The following DLG2 variants were observed in gnomAD, a reference collection of about 807,000 sequenced individuals.
DLG2 encodes the protein discs large MAGUK scaffold protein 2.
In DLG2, 45 loss-of-function variants were observed where a neutral mutation model predicts 132.5. That is an observed-to-expected ratio of 0.34 (90% CI 0.27 to 0.44). DLG2 has a LOEUF of 0.44. DLG2 is among the 20% of genes least tolerant of loss of function. DLG2 has a pLI of 1.00. For synonymous variants in DLG2, 424 were observed against 419.6 expected, an observed-to-expected ratio of 1.01 and a Z score of -0.13; for missense variants, 1,045 against 1,196.9, an observed-to-expected ratio of 0.87 and a Z score of 1.87.
chr11:84,420,960 G>A (rs553507416), intron 7 of DLG2, among the ~76,000 whole-genome samples: 5 of 152,018 alleles, frequency 3.3e-5, no homozygotes, highest in African/African-American at 7.2e-5. Flanking sequence ...GAGCCACCGC[G>A]CCCGGCCCCA....
intron 7 of DLG2, among the ~76,000 whole-genome samples, chr11:84,253,209 A>C (rs1462447484): frequency 2.0e-5 from 3 of 152,038 alleles, no homozygotes; most frequent in Non-Finnish European, 4.4e-5. Flanking sequence ...GAAGAGAAAA[A>C]GGTATGAGGT....
At chr11:84,048,560 T>C (rs944916079) in intron 11 of DLG2, among the ~76,000 whole-genome samples, 1 of 151,708 alleles carries the variant, frequency 6.6e-6, no homozygotes, top group Non-Finnish European at 1.5e-5. Context: ...AACTGTTTCC[T>C]GTATTCAGAG....
At chr11:84,431,584 T>C (rs575255831) in intron 7 of DLG2, among the ~76,000 whole-genome samples, 1 of 152,126 alleles carries the variant, frequency 6.6e-6, no homozygotes, top group Non-Finnish European at 1.5e-5. Context: ...AAATTCAGAA[T>C]AGGACACATA....
At chr11:84,734,810 C>T (rs1338783932) in intron 6 of DLG2, among the ~76,000 whole-genome samples, 1 of 152,108 alleles carries the variant, frequency 6.6e-6, no homozygotes, top group Non-Finnish European at 1.5e-5. Flanking sequence ...GAGATACATC[C>T]CATCAATACC....
intron 3 of DLG2, among the ~76,000 whole-genome samples, chr11:85,358,150 G>A (rs1025645801): frequency 6.6e-6 from 1 of 152,010 alleles, no homozygotes; most frequent in Non-Finnish European, 1.5e-5. Context: ...TTCAACCATG[G>A]CACCTGACTG....
chr11:83,849,931 G>T (rs1399294973), intron 16 of DLG2, among the ~76,000 whole-genome samples: 1 of 152,098 alleles, frequency 6.6e-6, no homozygotes, highest in East Asian at 1.9e-4. Context: ...ACAAGAGCTT[G>T]AAGAGGTCCA....
intron 3 of DLG2, among the ~76,000 whole-genome samples, chr11:85,551,354 G>T (rs1287578090): frequency 6.6e-5 from 10 of 152,016 alleles, no homozygotes; most frequent in African/African-American, 2.4e-4. Flanking sequence ...TTCAAAGTAG[G>T]TGCCATCACT....
chr11:85,471,938 G>C (rs1005134959), intron 3 of DLG2, among the ~76,000 whole-genome samples: 1 of 151,946 alleles, frequency 6.6e-6, no homozygotes, highest in African/African-American at 2.4e-5. Flanking sequence ...GACCCACAAG[G>C]AACCATAATG....
At chr11:85,261,813 C>T (rs1465726948) in intron 4 of DLG2, among the ~76,000 whole-genome samples, 1 of 151,958 alleles carries the variant, frequency 6.6e-6, no homozygotes, top group East Asian at 1.9e-4. Flanking sequence ...GGAGAAGGGT[C>T]CCTGATAAGG....
chr11:84,223,928 A>G (rs2096952974), intron 8 of DLG2, among the ~76,000 whole-genome samples: 1 of 152,144 alleles, frequency 6.6e-6, no homozygotes, highest in Admixed American at 6.5e-5. Context: ...CCTGGCACAC[A>G]TGCTTATATT....
chr11:84,118,379 C>T (rs2093740233), intron 9 of DLG2, among the ~76,000 whole-genome samples: 1 of 152,144 alleles, frequency 6.6e-6, no homozygotes, highest in Non-Finnish European at 1.5e-5. Flanking sequence ...ATTCCCTAAT[C>T]ACAGGCAAAA....
chr11:85,341,253 G>T (rs553951223), intron 3 of DLG2, among the ~76,000 whole-genome samples: 30 of 152,156 alleles, frequency 2.0e-4, no homozygotes, highest in Non-Finnish European at 3.7e-4. Flanking sequence ...CGAGTAGCTG[G>T]GACTACAGGC....
At chr11:84,722,620 G>C (rs774233108) in intron 6 of DLG2, among the ~76,000 whole-genome samples, 2 of 152,142 alleles carry the variant, frequency 1.3e-5, no homozygotes, top group Non-Finnish European at 2.9e-5. Flanking sequence ...CCAGTAGAAT[G>C]TCAATAAATC....
chr11:84,986,235 T>G (rs1261795364), intron 6 of DLG2, among the ~76,000 whole-genome samples: 2 of 151,908 alleles, frequency 1.3e-5, no homozygotes, highest in Non-Finnish European at 2.9e-5. Flanking sequence ...CATACAACCT[T>G]CCTAGCTTAA....
chr11:83,858,269 T>C (rs1516619), intron 16 of DLG2, among the ~76,000 whole-genome samples: 41,288 of 152,094 alleles, frequency 0.27, 6,624 homozygotes, highest in African/African-American at 0.43. Flanking sequence ...TTCTTGGGTA[T>C]GTCAGGGGGT....
rs1167372199 is a variant in DLG2, at chr11:83,577,559, AATATATATATATAT to A, written c.1941-35715_1941-35702del. ...TTCCCTAGAGGGACAGAATTAATAGAATATATATATATATATATATATATATATCCTATTTATAA... is the reference window on the plus strand; with the variant it reads ...TTCCCTAGAGGGACAGAATTAATAGAATATATATATATATCCTATTTATAA... On this transcript the variant is annotated intron_variant, in intron 19 of 27. Transcript: ENST00000376104. Among the ~76,000 whole-genome samples the A allele has an allele frequency of 2.0e-3, 158 of 78,430 alleles. 2 individuals carry two copies. The highest frequency in any genetic ancestry group is 6.9e-3 in the African/African-American group (143 of 20,590). 51.5% of individuals were successfully genotyped at this position (78,430 alleles called of 152,430 possible). A position where few individuals can be genotyped will look rare whatever the true frequency, so the allele number is the denominator to read the frequency against.
At chr11:84,453,737 G>A (rs948676245) in intron 7 of DLG2, among the ~76,000 whole-genome samples, 1 of 151,582 alleles carries the variant, frequency 6.6e-6, no homozygotes, top group East Asian at 1.9e-4. Flanking sequence ...GTACCTTGTT[G>A]GGGGTTGACA....
rs1057349544 is a variant in DLG2, at chr11:84,449,380, T to A, written c.519+85190A>T. Among the ~76,000 whole-genome samples the A allele has an allele frequency of 4.6e-5, 7 of 151,944 alleles. No homozygotes were observed. In the Middle Eastern group the frequency reaches 0.01, roughly 221 times the overall value. On this transcript the variant is annotated intron_variant, in intron 7 of 27. Transcript: ENST00000376104. ...CTTCAATGCCAATATCAATTACAGATAGTGTTGCTGAAAATATTCCTGATA... is the reference window on the plus strand; with the variant it reads ...CTTCAATGCCAATATCAATTACAGAAAGTGTTGCTGAAAATATTCCTGATA...
At chr11:83,530,155 T>G (rs1193395954) in intron 21 of DLG2, among the ~76,000 whole-genome samples, 1 of 152,026 alleles carries the variant, frequency 6.6e-6, no homozygotes, top group Non-Finnish European at 1.5e-5. Flanking sequence ...TATCCTTAAA[T>G]TCTCACCAGG....
Sources: allele counts gnomAD v4.1 joint callset (sites outside exome capture counted in the v4.1 genomes callset), GRCh38; gene constraint gnomAD v4.1.1; transcripts MANE v1.5; gene names NCBI Gene and HGNC (gene_info 2026-07-23, HGNC 2026-07-21).